MAN2A1: variants seen among roughly 807,000 people sequenced by gnomAD.
MAN2A1 encodes alpha-mannosidase 2.
Under a neutral mutation model 142.6 loss-of-function variants are expected in MAN2A1, and 76 were observed. The ratio of observed to expected loss-of-function variants is 0.53; its 90% CI spans 0.44 to 0.65. The LOEUF is 0.65. MAN2A1 is among the 30% of genes least tolerant of loss of function. The pLI, the probability that MAN2A1 is intolerant of heterozygous loss-of-function variation, is 0.00. For missense variants in MAN2A1, 1,311 were observed against 1,365.1 expected (o/e 0.96, Z 0.62); for synonymous variants, 559 against 473.2 (o/e 1.18, Z -2.35).
At chr5:109,860,084 C>A (rs1459575942) in intron 20 of MAN2A1, among the ~76,000 whole-genome samples, 1 of 151,962 alleles carries the variant, frequency 6.6e-6, no homozygotes, top group East Asian at 1.9e-4. Flanking sequence ...GTTCATTCTG[C>A]CTCTTCTTTT....
chr5:109,764,831 A>G (rs971914387), intron 5 of MAN2A1, among the ~76,000 whole-genome samples: 1 of 152,124 alleles, frequency 6.6e-6, no homozygotes, highest in Non-Finnish European at 1.5e-5. Flanking sequence ...TGGACAATAC[A>G]TACTCCTTTT....
chr5:109,750,047 T>A (rs10069314), intron 4 of MAN2A1, among the ~76,000 whole-genome samples: 12,932 of 152,122 alleles, frequency 0.085, 653 homozygotes, highest in African/African-American at 0.15. Context: ...AAATATTTTT[T>A]AAAGTATTTC....
chr5:109,829,343 C>T (rs1378755647), intron 16 of MAN2A1, among the ~76,000 whole-genome samples: 1 of 152,188 alleles, frequency 6.6e-6, no homozygotes, highest in Non-Finnish European at 1.5e-5. Context: ...GAGGAATGAG[C>T]AGGAGCATTA....
intron 5 of MAN2A1, among the ~76,000 whole-genome samples, chr5:109,767,231 C>G (rs947675027): frequency 9.1e-4 from 138 of 152,260 alleles, no homozygotes; most frequent in African/African-American, 3.2e-3. Flanking sequence ...TATTCTCTAC[C>G]TCTAGTTAAT....
At chr5:109,797,011 T>C (rs949542879) in intron 12 of MAN2A1, among the ~76,000 whole-genome samples, 1 of 152,140 alleles carries the variant, frequency 6.6e-6, no homozygotes, top group Non-Finnish European at 1.5e-5. Flanking sequence ...CAAATATTTG[T>C]CAAATAAACT....
chr5:109,794,085 G>C (rs112411738), intron 12 of MAN2A1: 1 of 152,050 alleles, frequency 6.6e-6, no homozygotes, highest in African/African-American at 2.4e-5. Context: ...AGCCAAACTC[G>C]CAACCTTATT....
At chr5:109,746,898 C>A (rs1228787711) in intron 4 of MAN2A1, among the ~76,000 whole-genome samples, 1 of 152,162 alleles carries the variant, frequency 6.6e-6, no homozygotes, top group Non-Finnish European at 1.5e-5. Flanking sequence ...CTTCATTCAG[C>A]ATAGTATCTT....
intron 17 of MAN2A1, among the ~76,000 whole-genome samples, chr5:109,844,194 C>T (rs1306310005): frequency 1.3e-5 from 2 of 151,848 alleles, no homozygotes; most frequent in Admixed American, 6.6e-5. Flanking sequence ...TTAGTAAAAC[C>T]GAATAACTAA....
chr5:109,763,096 A>G (rs766111388), intron 5 of MAN2A1, among the ~76,000 whole-genome samples: 5 of 152,140 alleles, frequency 3.3e-5, no homozygotes, highest in Admixed American at 6.5e-5. Flanking sequence ...TGTGGATCAG[A>G]TTGCTTCAAA....
chr5:109,758,772 T>C (rs895437695), intron 5 of MAN2A1, among the ~76,000 whole-genome samples: 1 of 150,910 alleles, frequency 6.6e-6, no homozygotes, highest in African/African-American at 2.4e-5. Flanking sequence ...TATTTGTATA[T>C]GATGTGAGGT....
chr5:109,865,173 A>G, intron 21 of MAN2A1, 27 bp downstream of exon 21: 1 of 1,506,428 alleles, frequency 6.6e-7, no homozygotes, highest in Non-Finnish European at 9.2e-7. Context: ...ATTTTTGCTT[A>G]CTGTTAGTGT....
chr5:109,815,858 T>C (rs1448008107), intron 12 of MAN2A1, among the ~76,000 whole-genome samples: 1 of 152,246 alleles, frequency 6.6e-6, no homozygotes, highest in African/African-American at 2.4e-5. Context: ...ATTCAGTGTG[T>C]TCCTGCGGTT....
intron 16 of MAN2A1, among the ~76,000 whole-genome samples, chr5:109,831,752 G>A (rs1462696730): frequency 6.6e-6 from 1 of 151,546 alleles, no homozygotes; most frequent in East Asian, 1.9e-4. Context: ...TATTTTTGTG[G>A]TTCAGAGCCT....
intron 12 of MAN2A1, among the ~76,000 whole-genome samples, chr5:109,811,596 G>A (rs1267058883): frequency 6.6e-6 from 1 of 151,802 alleles, no homozygotes; most frequent in Non-Finnish European, 1.5e-5. Flanking sequence ...GTGTGTGTGT[G>A]TGTGTGTGTG....
intron 4 of MAN2A1, among the ~76,000 whole-genome samples, chr5:109,743,600 C>G (rs1752327243): frequency 6.6e-6 from 1 of 152,182 alleles, no homozygotes; most frequent in Non-Finnish European, 1.5e-5. Flanking sequence ...CCTCCCTTTC[C>G]TGTGACATCC....
At chr5:109,861,642 T>A (rs191474885) in intron 20 of MAN2A1, among the ~76,000 whole-genome samples, 6 of 152,332 alleles carry the variant, frequency 3.9e-5, no homozygotes, top group Non-Finnish European at 7.4e-5. Context: ...GGAAAGTAAC[T>A]GACCTAGAGA....
At position 109,842,371 on chromosome 5, in the gene MAN2A1, C is replaced by G. The variant is rs1755229104; in HGVS notation, c.2610C>G (p.Ile870Met). ...TGGAAGTTTCCAATATTGTGGACAT[C>G]CGAAAAGTATATAACCGTGAGATTG... The part of the protein sequence containing the change: ...QSVEVSNIVD[I>M]RKVYNREIAM... Residue 870 changes from isoleucine (I) to methionine (M), a missense_variant, in exon 17 of 22, where the codon ATC becomes ATG. This residue lies in a region of MAN2A1 where 890 missense variants were observed against 920.5 expected (regional missense o/e 0.97). Transcript: ENST00000261483. 1 of 1,592,178 alleles carries G rather than the reference C, an allele frequency of 6.3e-7. No homozygotes were observed. Among genetic ancestry groups the G allele is most frequent in the South Asian group, 1.1e-5 (1 of 89,336 alleles).
Position 109,713,681 on chromosome 5 carries a change from C to G in MAN2A1, c.297C>G (p.Gly99=). Residue 99 remains glycine (G), a synonymous_variant, in exon 2 of 22, where the codon GGC becomes GGG. Transcript: ENST00000261483. The part of the protein sequence containing the change: ...SSQSNFSQGA[G]SHLLPSQLSL... ...AAAGCAATTTCAGCCAAGGTGCTGG[C>G]TCACATCTTCTGCCCTCACAATTAT... 6.2e-7 allele frequency: 1 copy of G among 1,614,218 alleles called. No individual in the cohort carries two copies. Among genetic ancestry groups the G allele is most frequent in the South Asian group, 1.1e-5 (1 of 91,088 alleles).
intron 4 of MAN2A1, among the ~76,000 whole-genome samples, chr5:109,731,928 AATCGCCACACTGACT>A (rs1751925349): frequency 6.6e-6 from 1 of 150,796 alleles, no homozygotes; most frequent in East Asian, 2.0e-4. Flanking sequence ...ATCCCTGAGG[AATCGCCACACTGACT>A]TCCACGATGG....
Sources: allele counts gnomAD v4.1 joint callset (sites outside exome capture counted in the v4.1 genomes callset), GRCh38; gene constraint gnomAD v4.1.1; regional missense constraint gnomAD v4.1.1; transcripts MANE v1.5; gene names NCBI Gene and HGNC (gene_info 2026-07-23, HGNC 2026-07-21).